Variants in NFIA observed in about 807,000 individuals in gnomAD.
NFIA encodes the protein nuclear factor 1 A-type.
In NFIA, 8 loss-of-function variants were observed where a neutral mutation model predicts 62.8. The ratio of observed to expected loss-of-function variants is 0.13; its 90% CI spans 0.07 to 0.23. The LOEUF is 0.23. NFIA is among the 10% of genes least tolerant of loss of function. The pLI, the probability that NFIA is intolerant of heterozygous loss-of-function variation, is 1.00. For synonymous variants in NFIA, 235 were observed against 238.1 expected, an observed-to-expected ratio of 0.99 and a Z score of 0.12; for missense variants, 410 against 642.1, an observed-to-expected ratio of 0.64 and a Z score of 3.91.
chr1:61,387,400 A>G (rs1664747191), intron 7 of NFIA, among the ~76,000 whole-genome samples: 1 of 151,702 alleles, frequency 6.6e-6, no homozygotes, highest in African/African-American at 2.4e-5. Flanking sequence ...CTTTGAAAGT[A>G]TCATGCTGTC....
intron 2 of NFIA, among the ~76,000 whole-genome samples, chr1:61,216,629 ACTCT>A (rs544209039): frequency 3.2e-4 from 49 of 152,202 alleles, no homozygotes; most frequent in African/African-American, 1.1e-3. Context: ...AGATATCTAT[ACTCT>A]CTCTGATACT....
At chr1:61,378,137 G>C (rs1664238840) in intron 6 of NFIA, among the ~76,000 whole-genome samples, 1 of 152,028 alleles carries the variant, frequency 6.6e-6, no homozygotes, top group Non-Finnish European at 1.5e-5. Context: ...GTAGGGGAGA[G>C]GTGAAATTAA....
chr1:61,450,604 T>C (rs529189392), intron 10 of NFIA, among the ~76,000 whole-genome samples: 1 of 152,268 alleles, frequency 6.6e-6, no homozygotes, highest in South Asian at 2.1e-4. Context: ...TGTTTGCACA[T>C]TTCCGTTTTA....
intron 2 of NFIA, among the ~76,000 whole-genome samples, chr1:61,091,409 A>T (rs1646318520): frequency 6.6e-6 from 1 of 152,194 alleles, no homozygotes; most frequent in Non-Finnish European, 1.5e-5. Context: ...TAATACATAA[A>T]CTACATTCCA....
intron 2 of NFIA, among the ~76,000 whole-genome samples, chr1:61,171,623 G>A (rs2100549307): frequency 6.6e-6 from 1 of 152,272 alleles, no homozygotes; most frequent in South Asian, 2.1e-4. Flanking sequence ...TTGAAGAAAT[G>A]GAGAAAATGG....
At chr1:61,201,839 CTG>C (rs1652521050) in intron 2 of NFIA, among the ~76,000 whole-genome samples, 1 of 149,218 alleles carries the variant, frequency 6.7e-6, no homozygotes, top group South Asian at 2.1e-4. Flanking sequence ...CAAATAAAAA[CTG>C]TCAAATAGCT....
At chr1:61,426,354 C>T in intron 9 of NFIA, 111 bp from the exon 10 acceptor site, 1 of 739,088 alleles carries the variant, frequency 1.4e-6, no homozygotes, top group Non-Finnish European at 2.3e-6. Context: ...ACAGTGTTTG[C>T]ACATTTCCTT....
intron 3 of NFIA, among the ~76,000 whole-genome samples, chr1:61,316,309 G>A (rs915468390): frequency 4.6e-5 from 7 of 152,174 alleles, no homozygotes; most frequent in African/African-American, 1.7e-4. Flanking sequence ...GACCTTATAA[G>A]AGTTTATATT....
At chr1:61,107,948 A>G (rs1192173406) in intron 2 of NFIA, among the ~76,000 whole-genome samples, 1 of 151,622 alleles carries the variant, frequency 6.6e-6, no homozygotes, top group Non-Finnish European at 1.5e-5. Context: ...TACCTCTGTC[A>G]TTTATTTTTT....
rs1557583617 is a variant in NFIA, at chr1:61,126,783, T to TCC, written c.559+38103_559+38104insCC. Among the ~76,000 whole-genome samples the TCC allele has an allele frequency of 9.2e-3, 1,133 of 123,632 alleles. 11 individuals are homozygous for TCC. Among genetic ancestry groups the TCC allele is most frequent in the African/African-American group, 0.034 (1,075 of 31,746 alleles). The allele number at this position is 123,632 out of a possible 152,430, so 81.1% of individuals were successfully genotyped here. On this transcript the variant is annotated intron_variant, in intron 2 of 10. Transcript: ENST00000403491. The stretch of plus-strand genomic sequence containing the variant: ...AGTAACTATTGTCAGATTCCTTTTT[T>TCC]TTTTTTTTTTTTTTTTTTGAAGACA...
At chr1:61,225,538 C>A (rs1654278926) in intron 2 of NFIA, among the ~76,000 whole-genome samples, 1 of 149,372 alleles carries the variant, frequency 6.7e-6, no homozygotes, top group Non-Finnish European at 1.5e-5. Flanking sequence ...TGTGAGCCAT[C>A]GCGCCCAGCT....
At chr1:61,403,028 T>C (rs1665647867) in intron 7 of NFIA, among the ~76,000 whole-genome samples, 2 of 152,216 alleles carry the variant, frequency 1.3e-5, no homozygotes, top group Admixed American at 1.3e-4. Flanking sequence ...TTCTCTTCAG[T>C]ATTATGAGTC....
intron 2 of NFIA, among the ~76,000 whole-genome samples, chr1:61,138,449 A>G (rs967653043): frequency 2.0e-5 from 3 of 152,100 alleles, no homozygotes; most frequent in Non-Finnish European, 4.4e-5. Context: ...AGGTAGAAAG[A>G]ATCTTTGACC....
At chr1:61,410,888 C>T (rs896511765) in intron 9 of NFIA, among the ~76,000 whole-genome samples, 1 of 152,020 alleles carries the variant, frequency 6.6e-6, no homozygotes, top group East Asian at 1.9e-4. Flanking sequence ...GCCTGGGTGA[C>T]AGAGCGAGAC....
intron 10 of NFIA, among the ~76,000 whole-genome samples, chr1:61,451,384 A>AG (rs1668052671): frequency 6.6e-6 from 1 of 152,190 alleles, no homozygotes; most frequent in Non-Finnish European, 1.5e-5. Flanking sequence ...TACCTTAGAG[A>AG]CGCCACATCT....
intron 7 of NFIA, among the ~76,000 whole-genome samples, chr1:61,389,082 A>C (rs1664840963): frequency 6.6e-6 from 1 of 152,122 alleles, no homozygotes; most frequent in Non-Finnish European, 1.5e-5. Flanking sequence ...CTCCAGCCTG[A>C]GCAACAGAGA....
At position 61,088,563 on chromosome 1, in the gene NFIA, G is replaced by A; in HGVS notation, c.442G>A (p.Glu148Lys). ...TATTCCGCTGGAAAGTACTGATGGC[G>A]AGCGCCTTGTAAAGTCCCCACAATG... is the stretch of plus-strand genomic sequence containing the variant. ...KGIPLESTDGERLVKSPQCSN... is the reference protein window; with the variant it reads ...KGIPLESTDGKRLVKSPQCSN... The change falls in exon 2 of 11, where the codon GAG (glutamate) becomes AAG (lysine). Residue 148 changes from glutamate to lysine, a missense_variant. This residue lies in a region of NFIA where 26 missense variants were observed against 79.4 expected (regional missense o/e 0.33). Transcript: ENST00000403491. The surrounding 1 kb of genome is among the most constrained non-coding windows in gnomAD (Gnocchi z 4.5). The A allele has an allele frequency of 1.2e-6, 2 of 1,614,144 alleles. No individual in the cohort carries two copies. Among genetic ancestry groups the A allele is most frequent in the Non-Finnish European group, 1.7e-6 (2 of 1,180,026 alleles).
At chr1:61,086,065 A>G (rs145676104) in intron 1 of NFIA, among the ~76,000 whole-genome samples, 1 of 152,306 alleles carries the variant, frequency 6.6e-6, no homozygotes, top group East Asian at 1.9e-4. Flanking sequence ...ATAGATATGA[A>G]TCGTTTGGAG....
chr1:61,411,905 G>A (rs146332139), intron 9 of NFIA, among the ~76,000 whole-genome samples: 176 of 151,954 alleles, frequency 1.2e-3, no homozygotes, highest in African/African-American at 4.2e-3. Flanking sequence ...GGGAATGAAA[G>A]CAAGGGGGTG....
Sources: allele counts gnomAD v4.1 joint callset (sites outside exome capture counted in the v4.1 genomes callset), GRCh38; gene constraint gnomAD v4.1.1; regional missense constraint gnomAD v4.1.1; non-coding constraint Gnocchi (gnomAD v3.1); transcripts MANE v1.5; gene names NCBI Gene and HGNC (gene_info 2026-07-23, HGNC 2026-07-21).